The following ANKMY2 variants were observed in gnomAD, a reference collection of about 807,000 sequenced individuals.
The protein encoded by ANKMY2 is ankyrin repeat and MYND domain-containing protein 2.
In ANKMY2, 36 loss-of-function variants were observed where a neutral mutation model predicts 50.4. The observed-to-expected ratio is 0.71, with a 90% CI of 0.55 to 0.94. The LOEUF is 0.94. Ranked by LOEUF, ANKMY2 falls within the 40% of genes least tolerant of loss-of-function variation. The pLI, the probability that ANKMY2 is intolerant of heterozygous loss-of-function variation, is 0.00. For synonymous variants in ANKMY2, 187 were observed against 178.8 expected (o/e 1.05, Z -0.36); for missense variants, 565 against 524.0 (o/e 1.08, Z -0.76).
At chr7:16,603,533 G>A in intron 8 of ANKMY2, 1 of 430,450 alleles carries the variant, frequency 2.3e-6, no homozygotes, top group Non-Finnish European at 4.9e-6. Context: ...GGGAATGAAT[G>A]TTATTAAACA....
At position 16,604,868 on chromosome 7, in the gene ANKMY2, G is replaced by A; in HGVS notation, c.883-19C>T. On this transcript the variant is annotated intron_variant, in intron 7 of 9. Transcript: ENST00000306999. Reference sequence around the variant, plus strand: ...CAGAACCCTAGAGTGGGCATGAAGAGGAGAAAAAACAAATTCTGAAATCAC... The same window carrying A: ...CAGAACCCTAGAGTGGGCATGAAGAAGAGAAAAAACAAATTCTGAAATCAC... 2 of 1,589,942 alleles carry A rather than the reference G, an allele frequency of 1.3e-6. No individual in the cohort carries two copies. The highest frequency in any genetic ancestry group is 1.7e-6 in the Non-Finnish European group (2 of 1,168,366).
chr7:16,636,740 C>T (rs1487096283), intron 1 of ANKMY2, among the ~76,000 whole-genome samples: 1 of 151,942 alleles, frequency 6.6e-6, no homozygotes, highest in Non-Finnish European at 1.5e-5. Flanking sequence ...AATACAATAA[C>T]CACAAAGCAT....
chr7:16,609,803 C>T (rs1472426996), intron 6 of ANKMY2, 38 bp from the exon 7 acceptor site: 2 of 1,601,914 alleles, frequency 1.2e-6, no homozygotes, highest in Non-Finnish European at 1.7e-6. Context: ...GGAGTTGAAT[C>T]ACTAAGCATT....
chr7:16,643,830 G>A (rs544177059), intron 1 of ANKMY2, among the ~76,000 whole-genome samples: 1 of 143,130 alleles, frequency 7.0e-6, no homozygotes, highest in East Asian at 2.0e-4. Context: ...AGCAGCCTGG[G>A]CAACATAGGG....
chr7:16,640,356 A>G (rs117498577), intron 1 of ANKMY2, among the ~76,000 whole-genome samples: 1,688 of 152,242 alleles, frequency 0.011, 15 homozygotes, highest in Non-Finnish European at 0.018. Flanking sequence ...AATATAATTC[A>G]TTGTAACATT....
chr7:16,636,764 GA>G (rs10716803), intron 1 of ANKMY2, among the ~76,000 whole-genome samples: 3,624 of 151,744 alleles, frequency 0.024, 130 homozygotes, highest in African/African-American at 0.084. Context: ...ACTTAATACT[GA>G]AAAAAAATCT....
intron 5 of ANKMY2, among the ~76,000 whole-genome samples, chr7:16,613,356 A>G (rs1562769657): frequency 6.6e-6 from 1 of 152,200 alleles, no homozygotes; most frequent in Non-Finnish European, 1.5e-5. Context: ...ATAATACTCC[A>G]TAGGAAATGC....
intron 4 of ANKMY2, among the ~76,000 whole-genome samples, chr7:16,620,701 T>A (rs910209046): frequency 6.6e-6 from 1 of 151,822 alleles, no homozygotes; most frequent in African/African-American, 2.4e-5. Context: ...ACCACATATA[T>A]CAGTAATTAC....
intron 2 of ANKMY2, among the ~76,000 whole-genome samples, chr7:16,635,622 T>A (rs1408505741): frequency 6.6e-6 from 1 of 152,218 alleles, no homozygotes; most frequent in Non-Finnish European, 1.5e-5. Context: ...ACATGGCCAA[T>A]GGCTACTGTA....
intron 2 of ANKMY2, among the ~76,000 whole-genome samples, chr7:16,634,512 G>T (rs1334324349): frequency 2.6e-5 from 4 of 152,186 alleles, no homozygotes; most frequent in Non-Finnish European, 4.4e-5. Context: ...AAAGAGAGAA[G>T]AGAGCTGCAC....
Position 16,610,533 on chromosome 7 carries a change from A to G in ANKMY2, c.746+16T>C. 4 of 1,578,030 alleles carry G rather than the reference A, an allele frequency of 2.5e-6. No homozygotes were observed. The highest frequency in any genetic ancestry group is 3.5e-6 in the Non-Finnish European group (4 of 1,154,458). On this transcript the variant is annotated intron_variant, in intron 6 of 9. Coordinates refer to ENST00000306999, the MANE Select transcript of ANKMY2 (RefSeq NM_020319.3). ...CACTTGAGTGTATTTTATAAACGAC[A>G]TAGTAAAAAGAGTACCTTTTGATCA... is the stretch of plus-strand genomic sequence containing the variant.
intron 2 of ANKMY2, among the ~76,000 whole-genome samples, chr7:16,629,809 T>C (rs1781555956): frequency 6.6e-6 from 1 of 152,208 alleles, no homozygotes; most frequent in Non-Finnish European, 1.5e-5. Context: ...TTATAAATTT[T>C]GACTGCAATG....
chr7:16,643,716 C>T (rs1052016034), intron 1 of ANKMY2, among the ~76,000 whole-genome samples: 1 of 151,848 alleles, frequency 6.6e-6, no homozygotes, highest in Admixed American at 6.5e-5. Context: ...CTATTTTTCA[C>T]TTTTAAGAGA....
intron 1 of ANKMY2, among the ~76,000 whole-genome samples, chr7:16,637,231 A>G (rs930023188): frequency 6.6e-6 from 1 of 152,234 alleles, no homozygotes; most frequent in African/African-American, 2.4e-5. Flanking sequence ...TGAGGGAGAA[A>G]GGCTAAGATA....
chr7:16,632,612 A>G (rs1335677956), intron 2 of ANKMY2, among the ~76,000 whole-genome samples: 2 of 152,222 alleles, frequency 1.3e-5, no homozygotes, highest in Non-Finnish European at 2.9e-5. Context: ...ACTGAATAAT[A>G]CCCATCATAG....
intron 8 of ANKMY2, among the ~76,000 whole-genome samples, chr7:16,604,432 TTTCTC>T (rs67150808): frequency 0.13 from 20,538 of 152,224 alleles, 1,700 homozygotes; most frequent in Admixed American, 0.29. Flanking sequence ...ACGGAAAACC[TTTCTC>T]TTATTTTCTC....
chr7:16,613,402 T>C lies in ANKMY2; in HGVS notation c.531+2342A>G, dbSNP rs565516794. Among the ~76,000 whole-genome samples, 3 of 152,198 alleles carry C rather than the reference T, an allele frequency of 2.0e-5. No homozygotes were observed. In the South Asian group the frequency reaches 6.2e-4, roughly 32 times the overall value. On this transcript the variant is annotated intron_variant, in intron 5 of 9. Coordinates refer to ENST00000306999, the MANE Select transcript of ANKMY2 (RefSeq NM_020319.3). ...TAAAAAGGGGGTAGAGCAATAAAAATGGGCCACAGTAACAAAAGCAACTGG... is the reference window on the plus strand; with the variant it reads ...TAAAAAGGGGGTAGAGCAATAAAAACGGGCCACAGTAACAAAAGCAACTGG...
intron 1 of ANKMY2, among the ~76,000 whole-genome samples, chr7:16,641,452 T>C (rs1021738788): frequency 1.3e-5 from 2 of 152,192 alleles, no homozygotes; most frequent in African/African-American, 4.8e-5. Flanking sequence ...ATGAAGCCCA[T>C]ATAGGTTGCA....
At chr7:16,644,200 A>G (rs910685075) in intron 1 of ANKMY2, among the ~76,000 whole-genome samples, 1 of 152,320 alleles carries the variant, frequency 6.6e-6, no homozygotes, top group South Asian at 2.1e-4. Flanking sequence ...AGGCAGGGAG[A>G]AATTACCTAG....
Sources: allele counts gnomAD v4.1 joint callset (sites outside exome capture counted in the v4.1 genomes callset), GRCh38; gene constraint gnomAD v4.1.1; transcripts MANE v1.5; gene names NCBI Gene and HGNC (gene_info 2026-07-23, HGNC 2026-07-21).